The following VPS18 variants were observed in gnomAD, a reference collection of about 807,000 sequenced individuals.
The protein encoded by VPS18 is vacuolar protein sorting-associated protein 18 homolog.
In VPS18, 25 loss-of-function variants were observed where a neutral mutation model predicts 82.0. The ratio of observed to expected loss-of-function variants is 0.30; its 90% CI spans 0.22 to 0.43. The LOEUF is 0.43. Ranked by LOEUF, VPS18 falls within the 20% of genes least tolerant of loss-of-function variation. The pLI is 1.00. For synonymous variants in VPS18, 523 were observed against 543.0 expected (o/e 0.96, Z 0.51); for missense variants, 1,168 against 1,311.1 (o/e 0.89, Z 1.69).
rs1489915011 is a variant in VPS18 at position 40,899,545 on chromosome 15, G to A, written c.727G>A (p.Gly243Ser). The stretch of plus-strand genomic sequence containing the variant: ...AGCAGCAGAGGGGGCTGAGGCCCAG[G>A]GTTTCTCAGGGCTCTTTGCAGCTTA... ...GRAAEGAEAQ[G>S]FSGLFAAYTD... is the part of the protein sequence containing the mutation. Residue 243 changes from glycine to serine, a missense_variant, in exon 4 of 5, where the codon GGT (glycine) becomes AGT (serine). This residue lies in a region of VPS18 where 868 missense variants were observed against 939.8 expected (regional missense o/e 0.92). Coordinates refer to ENST00000220509, the MANE Select transcript of VPS18 (RefSeq NM_020857.3). This position sits in a 1 kb window ranked among gnomAD's most constrained non-coding sequence, Gnocchi z 4.4. 18 of 1,608,982 alleles carry A rather than the reference G, an allele frequency of 1.1e-5. No individual in the cohort carries two copies. In the East Asian group the frequency reaches 4.0e-4, roughly 36 times the overall value.
Position 40,902,949 on chromosome 15 carries a change from T to C in VPS18, c.2530T>C (p.Tyr844His), listed in dbSNP as rs750725982. 8 of 1,614,162 alleles carry C rather than the reference T, an allele frequency of 5.0e-6. No individual in the cohort carries two copies. The change falls in exon 5 of 5, where the codon TAC (tyrosine) becomes CAC (histidine). Residue 844 changes from tyrosine to histidine, a missense_variant. Tyr to His is a moderately conservative substitution (Grantham distance 83). Coordinates refer to ENST00000220509, the MANE Select transcript of VPS18 (RefSeq NM_020857.3). The surrounding 1 kb of genome is among the most constrained non-coding windows in gnomAD (Gnocchi z 4.2). ...RRDLQELRGR[Y>H]GTVEPQDKCA... ...AGACCTGCAGGAGCTGCGGGGCCGC[T>C]ACGGCACTGTGGAGCCCCAGGACAA...
Position 40,899,430 on chromosome 15 carries a change from T to C in VPS18, c.612T>C (p.Pro204=), listed in dbSNP as rs757766857. The change falls in exon 4 of 5, where the codon CCT becomes CCC. Residue 204 remains proline (P), a synonymous_variant. Coordinates refer to ENST00000220509, the MANE Select transcript of VPS18 (RefSeq NM_020857.3). The surrounding 1 kb of genome is among the most constrained non-coding windows in gnomAD (Gnocchi z 4.4). ...YVLNEEGGPA[P]VCSLEAERGP... The stretch of plus-strand genomic sequence containing the variant: ...TAAATGAAGAAGGGGGTCCAGCACC[T>C]GTGTGCTCCCTTGAGGCCGAGCGGG... The C allele has an allele frequency of 8.1e-6, 13 of 1,604,440 alleles. No individual in the cohort carries two copies. In the South Asian group the frequency reaches 1.4e-4, roughly 18 times the overall value.
intron 2 of VPS18, among the ~76,000 whole-genome samples, chr15:40,897,422 A>G (rs1892247991): frequency 6.6e-6 from 1 of 152,224 alleles, no homozygotes; most frequent in Non-Finnish European, 1.5e-5. Context: ...TTACAAATTA[A>G]GACACATACA....
Position 40,896,064 on chromosome 15 carries a change from A to G in VPS18, c.218A>G (p.Lys73Arg). 2 of 1,614,138 alleles carry G rather than the reference A, an allele frequency of 1.2e-6. No individual in the cohort carries two copies. The highest frequency in any genetic ancestry group is 8.5e-7 in the Non-Finnish European group (1 of 1,180,050). ...AATCAGCTGTGCATGAGCCTGGGCA[A>G]GGATACACTGCTCCGGTAATCAAGA... The part of the protein sequence containing the change: ...SSNQLCMSLG[K>R]DTLLRIDLGK... The change falls in exon 2 of 5, where the codon AAG (lysine) becomes AGG (arginine). Residue 73 changes from lysine (K) to arginine (R), a missense_variant. Lys to Arg is a conservative substitution (Grantham distance 26). Transcript: ENST00000220509.
In VPS18 at chr15:40,900,849, C is replaced by T; in HGVS notation, c.2031C>T (p.Asp677=). The change falls in exon 4 of 5, where the codon GAC becomes GAT. Residue 677 remains aspartate (D), a synonymous_variant. Coordinates refer to ENST00000220509, the MANE Select transcript of VPS18 (RefSeq NM_020857.3). This position sits in a 1 kb window ranked among gnomAD's most constrained non-coding sequence, Gnocchi z 5.4. ...LLSLYARGRP[D]SLLAYLEQAG... is the part of the protein sequence containing the mutation. ...CACTGTATGCCCGTGGCCGGCCGGA[C>T]TCACTACTGGCCTATCTGGAGCAGG... 1 of 1,614,188 alleles carries T rather than the reference C, an allele frequency of 6.2e-7. No individual in the cohort carries two copies. Among genetic ancestry groups the T allele is most frequent in the South Asian group, 1.1e-5 (1 of 91,088 alleles).
At position 40,900,143 on chromosome 15, in the gene VPS18, G is replaced by A. The variant is rs1892322333; in HGVS notation, c.1325G>A (p.Ser442Asn). Residue 442 changes from serine (S) to asparagine (N), a missense_variant, in exon 4 of 5, where the codon AGC becomes AAC. This residue lies in a region of VPS18 where 868 missense variants were observed against 939.8 expected (regional missense o/e 0.92). Transcript: ENST00000220509. The surrounding 1 kb of genome is among the most constrained non-coding windows in gnomAD (Gnocchi z 5.4). ...TTTCGCCAGCGTCGCTACCTGGAGA[G>A]CGCACGCTGCTATGCCCTGACCCAG... is the stretch of plus-strand genomic sequence containing the variant. ...FCFRQRRYLESARCYALTQSY... is the reference protein window; with the variant it reads ...FCFRQRRYLENARCYALTQSY... 1 of 1,613,714 alleles carries A rather than the reference G, an allele frequency of 6.2e-7. No homozygotes were observed. Among genetic ancestry groups the A allele is most frequent in the African/African-American group, 1.3e-5 (1 of 74,950 alleles).
Position 40,903,480 on chromosome 15 carries a change from G to A in VPS18, c.*139G>A. 1.6e-6 allele frequency: 2 copies of A among 1,245,818 alleles called. No homozygotes were observed. The highest frequency in any genetic ancestry group is 5.2e-5 in the East Asian group (2 of 38,528). 77.2% of individuals were successfully genotyped at this position (1,245,818 alleles called of 1,614,324 possible). On this transcript the variant is annotated 3_prime_UTR_variant, in exon 5 of 5. Transcript: ENST00000220509. Reference sequence around the variant, plus strand: ...ACGTTGACGGGAGTAGAGTAGCGCTGTTGGCCAGGAGGTGTCAGGTGTGAG... The same window carrying A: ...ACGTTGACGGGAGTAGAGTAGCGCTATTGGCCAGGAGGTGTCAGGTGTGAG...
intron 4 of VPS18, among the ~76,000 whole-genome samples, chr15:40,901,599 A>G: frequency 6.6e-6 from 1 of 151,266 alleles, no homozygotes; most frequent in East Asian, 1.9e-4. Context: ...AAAAAAAAAA[A>G]GAAAAAGAAA....
At chr15:40,896,515 TA>T (rs201872500) in intron 2 of VPS18, among the ~76,000 whole-genome samples, 268 of 142,644 alleles carry the variant, frequency 1.9e-3, no homozygotes, top group Non-Finnish European at 2.1e-3. Flanking sequence ...CCTGTCTCTT[TA>T]AAAAAAAAAA....
rs1437954943 is a variant in VPS18, at chr15:40,900,384, C to T, written c.1566C>T (p.Cys522=). 7 of 1,613,648 alleles carry T rather than the reference C, an allele frequency of 4.3e-6. No homozygotes were observed. The South Asian group carries it at 7.7e-5, about 18-fold the overall frequency. Reference sequence around the variant, plus strand: ...CTCTCTACCGAGAAACCAAGGAATGCTTTCGAACCTTCCTCAGCAGCCCCC... The same window carrying T: ...CTCTCTACCGAGAAACCAAGGAATGTTTTCGAACCTTCCTCAGCAGCCCCC... ...ALTLYRETKE[C]FRTFLSSPRH... The change falls in exon 4 of 5, where the codon TGC becomes TGT. Residue 522 remains cysteine, a synonymous_variant. Transcript: ENST00000220509. This position sits in a 1 kb window ranked among gnomAD's most constrained non-coding sequence, Gnocchi z 5.4.
rs140464667 is a variant in VPS18 at position 40,899,913 on chromosome 15, G to A, written c.1095G>A (p.Pro365=). Residue 365 remains proline, a synonymous_variant, in exon 4 of 5, where the codon CCG becomes CCA. Coordinates refer to ENST00000220509, the MANE Select transcript of VPS18 (RefSeq NM_020857.3). This position sits in a 1 kb window ranked among gnomAD's most constrained non-coding sequence, Gnocchi z 4.4. The stretch of plus-strand genomic sequence containing the variant: ...ATCACTTCCTGGAGAAATTTGGGCC[G>A]CTGAAGCACATGGTGAAGGACTCCT... The part of the protein sequence containing the change: ...LRDHFLEKFG[P]LKHMVKDSST... The A allele has an allele frequency of 1.2e-4, 186 of 1,612,096 alleles. No individual in the cohort carries two copies. In the African/African-American group the frequency reaches 2.3e-3, roughly 20 times the overall value.
Position 40,899,731 on chromosome 15 carries a change from CTGCTGA to C in VPS18, c.914_919del (p.Leu305_Ser307delinsArg). Reference sequence around the variant, plus strand: ...ATTGGACTGTGGGCGCCCTGACTCTCTGCTGAGCGAGGAGCGAGTCTGGGAGTACCC... The same window carrying C: ...ATTGGACTGTGGGCGCCCTGACTCTCGCGAGGAGCGAGTCTGGGAGTACCC... On this transcript the variant is annotated inframe_deletion, in exon 4 of 5. Coordinates refer to ENST00000220509, the MANE Select transcript of VPS18 (RefSeq NM_020857.3). This position sits in a 1 kb window ranked among gnomAD's most constrained non-coding sequence, Gnocchi z 4.4. 1 of 1,613,996 alleles carries C rather than the reference CTGCTGA, an allele frequency of 6.2e-7. No individual in the cohort carries two copies.
rs1892312257 is a variant in VPS18 at position 40,899,889 on chromosome 15, T to C, written c.1071T>C (p.Asp357=). The C allele has an allele frequency of 1.9e-6, 3 of 1,610,270 alleles. No individual in the cohort carries two copies. The highest frequency in any genetic ancestry group is 2.5e-6 in the Non-Finnish European group (3 of 1,180,014). The part of the protein sequence containing the change: ...CTLTGQVVLR[D]HFLEKFGPLK... ...TGACCGGGCAGGTGGTGCTGCGGGA[T>C]CACTTCCTGGAGAAATTTGGGCCGC... The change falls in exon 4 of 5, where the codon GAT becomes GAC. Residue 357 remains aspartate, a synonymous_variant. Transcript: ENST00000220509. The surrounding 1 kb of genome is among the most constrained non-coding windows in gnomAD (Gnocchi z 4.4).
rs1346457831 is a variant in VPS18, at chr15:40,899,671, G to T, written c.853G>T (p.Ala285Ser). ...PKLRSAPRAF[A>S]WMMGDGVLYG... Reference sequence around the variant, plus strand: ...GCTGCGCTCCGCACCCCGGGCCTTCGCCTGGATGATGGGGGATGGTGTGTT... The same window carrying T: ...GCTGCGCTCCGCACCCCGGGCCTTCTCCTGGATGATGGGGGATGGTGTGTT... The change falls in exon 4 of 5, where the codon GCC (alanine) becomes TCC (serine). Residue 285 changes from alanine to serine, a missense_variant. Ala to Ser is a moderately conservative substitution (Grantham distance 99). Transcript: ENST00000220509. This position sits in a 1 kb window ranked among gnomAD's most constrained non-coding sequence, Gnocchi z 4.4. 1.9e-6 allele frequency: 3 copies of T among 1,613,754 alleles called. No individual in the cohort carries two copies. Among genetic ancestry groups the T allele is most frequent in the Non-Finnish European group, 2.5e-6 (3 of 1,180,056 alleles).
chr15:40,898,968 A>G lies in VPS18; in HGVS notation c.295A>G (p.Lys99Glu). The G allele has an allele frequency of 1.9e-6, 3 of 1,614,160 alleles. No homozygotes were observed. The highest frequency in any genetic ancestry group is 1.7e-6 in the Non-Finnish European group (2 of 1,180,032). Residue 99 changes from lysine (K) to glutamate (E), a missense_variant, in exon 3 of 5, where the codon AAA becomes GAA. Lys to Glu is a moderately conservative substitution (Grantham distance 56). This residue lies in a region of VPS18 where 868 missense variants were observed against 939.8 expected (regional missense o/e 0.92). Coordinates refer to ENST00000220509, the MANE Select transcript of VPS18 (RefSeq NM_020857.3). ...GGAGCTGGGACGTAAGGATGACGCA[A>G]AAGTTCACAAGATGTTCCTTGACCA... is the stretch of plus-strand genomic sequence containing the variant. ...HVELGRKDDA[K>E]VHKMFLDHTG... is the part of the protein sequence containing the mutation.
intron 4 of VPS18, among the ~76,000 whole-genome samples, chr15:40,901,263 T>C (rs1444971257): frequency 6.6e-6 from 1 of 152,226 alleles, no homozygotes; most frequent in Non-Finnish European, 1.5e-5. Context: ...GTCAGTGTTA[T>C]AGTACATTTA....
At position 40,900,439 on chromosome 15, in the gene VPS18, GC is replaced by G; in HGVS notation, c.1623del (p.Ser542LeufsTer20). 1 of 1,614,024 alleles carries G rather than the reference GC, an allele frequency of 6.2e-7. No individual in the cohort carries two copies. Among genetic ancestry groups the G allele is most frequent in the Non-Finnish European group, 8.5e-7 (1 of 1,180,010 alleles). On this transcript the variant is annotated frameshift_variant, in exon 4 of 5. Coordinates refer to ENST00000220509, the MANE Select transcript of VPS18 (RefSeq NM_020857.3). LOFTEE classifies it high-confidence loss of function. The surrounding 1 kb of genome is among the most constrained non-coding windows in gnomAD (Gnocchi z 5.4). Reference sequence around the variant, plus strand: ...CAAAGAGTGGCTCTTTGCCAGCCGGGCCTCTATCCATGAGCTGCTCGCCAGT... The same window carrying G: ...CAAAGAGTGGCTCTTTGCCAGCCGGGCTCTATCCATGAGCTGCTCGCCAGT... ...RHKEWLFASR[A>X]SIHELLASHG...
At position 40,900,669 on chromosome 15, in the gene VPS18, G is replaced by T. The variant is rs756842048; in HGVS notation, c.1851G>T (p.Met617Ile). Residue 617 changes from methionine to isoleucine, a missense_variant, in exon 4 of 5, where the codon ATG becomes ATT. By Grantham distance (10) the Met-to-Ile change is conservative (BLOSUM62 1). This residue lies in a region of VPS18 where 868 missense variants were observed against 939.8 expected (regional missense o/e 0.92). Transcript: ENST00000220509. The surrounding 1 kb of genome is among the most constrained non-coding windows in gnomAD (Gnocchi z 5.4). ...PRQLVDAWIEMGSRLDARQLI... is the reference protein window; with the variant it reads ...PRQLVDAWIEIGSRLDARQLI... ...AGCTTGTAGATGCCTGGATTGAGATGGGCAGCCGGCTGGATGCTCGTCAGC... is the reference window on the plus strand; with the variant it reads ...AGCTTGTAGATGCCTGGATTGAGATTGGCAGCCGGCTGGATGCTCGTCAGC... The T allele has an allele frequency of 1.2e-6, 2 of 1,614,168 alleles. No homozygotes were observed. Among genetic ancestry groups the T allele is most frequent in the South Asian group, 2.2e-5 (2 of 91,088 alleles).
intron 2 of VPS18, among the ~76,000 whole-genome samples, 157 bp downstream of exon 2, chr15:40,896,236 T>C (rs575431130): frequency 6.6e-6 from 1 of 152,110 alleles, no homozygotes; most frequent in South Asian, 2.1e-4. Context: ...CAATACAGGG[T>C]AGTGGTTAAG....
Sources: gnomAD v4.1 joint callset for allele counts (sites outside exome capture counted in the v4.1 genomes callset) on GRCh38, gnomAD v4.1.1 for gene constraint, gnomAD v4.1.1 regional missense constraint, Gnocchi (gnomAD v3.1) non-coding constraint, MANE v1.5 for transcripts, NCBI Gene and HGNC (gene_info 2026-07-23, HGNC 2026-07-21) for gene names.